The following CAP2 variants were observed in gnomAD, a reference collection of about 807,000 sequenced individuals.
CAP2 encodes adenylyl cyclase-associated protein 2.
In CAP2, 24 loss-of-function variants were observed where a neutral mutation model predicts 57.7. That is an observed-to-expected ratio of 0.42 (90% CI 0.30 to 0.58). The LOEUF (loss-of-function observed/expected upper bound fraction) is 0.58. Ranked by LOEUF, CAP2 falls within the 20% of genes least tolerant of loss-of-function variation. The pLI, the probability that CAP2 is intolerant of heterozygous loss-of-function variation, is 0.22. For synonymous variants in CAP2, 194 were observed against 207.2 expected, an observed-to-expected ratio of 0.94 and a Z score of 0.55; for missense variants, 501 against 590.3, an observed-to-expected ratio of 0.85 and a Z score of 1.57.
Position 17,557,632 on chromosome 6 carries a change from T to C in CAP2, c.*1190T>C, listed in dbSNP as rs2113717988. The C allele has an allele frequency of 6.6e-6, 1 of 152,356 alleles. No homozygotes were observed. Among genetic ancestry groups the C allele is most frequent in the East Asian group, 1.9e-4 (1 of 5,194 alleles). 9.4% of individuals were successfully genotyped at this position (152,356 alleles called of 1,614,324 possible). A position where few individuals can be genotyped will look rare whatever the true frequency, so the allele number is the denominator to read the frequency against. ...TTGTTTCCATTTTTTAAATATCTTC[T>C]ATATCCATATAGTATTCAAATTATT... On this transcript the variant is annotated 3_prime_UTR_variant, in exon 13 of 13. Coordinates refer to ENST00000229922, the MANE Select transcript of CAP2 (RefSeq NM_006366.3).
chr6:17,455,753 T>C (rs555607246), intron 3 of CAP2, among the ~76,000 whole-genome samples: 8 of 152,228 alleles, frequency 5.3e-5, no homozygotes, highest in Non-Finnish European at 1.2e-4. Flanking sequence ...GCCAGAATGG[T>C]CTTGATCTCC....
chr6:17,405,092 A>C (rs896989199), intron 1 of CAP2, among the ~76,000 whole-genome samples: 1 of 152,106 alleles, frequency 6.6e-6, no homozygotes, highest in Non-Finnish European at 1.5e-5. Flanking sequence ...GATAAAGTTT[A>C]ATATATAAGG....
chr6:17,457,266 G>A (rs1278977213), intron 3 of CAP2, among the ~76,000 whole-genome samples: 9 of 152,184 alleles, frequency 5.9e-5, no homozygotes, highest in African/African-American at 2.2e-4. Flanking sequence ...CACATGTGAT[G>A]GACAAACTCA....
intron 3 of CAP2, among the ~76,000 whole-genome samples, chr6:17,459,317 A>G (rs1458251756): frequency 1.3e-5 from 2 of 152,250 alleles, no homozygotes; most frequent in African/African-American, 4.8e-5. Flanking sequence ...TCCCTGTTCT[A>G]GCAGGCCTTA....
chr6:17,403,086 A>T (rs2113503494), intron 1 of CAP2, among the ~76,000 whole-genome samples: 1 of 152,174 alleles, frequency 6.6e-6, no homozygotes, highest in East Asian at 1.9e-4. Flanking sequence ...GACCCATTTT[A>T]TTTATTTTTA....
chr6:17,523,752 C>A (rs1355986202), intron 7 of CAP2, among the ~76,000 whole-genome samples: 4 of 152,110 alleles, frequency 2.6e-5, no homozygotes, highest in African/African-American at 9.7e-5. Context: ...AGTAACCTTC[C>A]AAGAGCAGTT....
intron 11 of CAP2, among the ~76,000 whole-genome samples, chr6:17,545,645 C>G (rs1173120958): frequency 6.6e-6 from 1 of 152,040 alleles, no homozygotes; most frequent in Non-Finnish European, 1.5e-5. Flanking sequence ...TGTGCTGCAC[C>G]CATTAACTAG....
At chr6:17,395,038 ACAAT>A (rs1758633967) in intron 1 of CAP2, among the ~76,000 whole-genome samples, 1 of 152,246 alleles carries the variant, frequency 6.6e-6, no homozygotes, top group Non-Finnish European at 1.5e-5. Flanking sequence ...TAATAACATT[ACAAT>A]CAAAGTGTCA....
Position 17,409,714 on chromosome 6 carries a change from C to G in CAP2, c.-1-11841C>G, listed in dbSNP as rs1160734068. Among the ~76,000 whole-genome samples, 3 of 152,236 alleles carry G rather than the reference C, an allele frequency of 2.0e-5. No individual in the cohort carries two copies. In the East Asian group the frequency reaches 5.8e-4, roughly 29 times the overall value. ...TGTAGGCACTTCAAATGCAGATCCT[C>G]TAACTCTGAACTCCTCTGACCTGGG... On this transcript the variant is annotated intron_variant, in intron 1 of 12. Transcript: ENST00000229922.
At position 17,397,588 on chromosome 6, in the gene CAP2, G is replaced by C. The variant is rs187664093; in HGVS notation, c.-2+3842G>C. Reference sequence around the variant, plus strand: ...CGGGCACCTATAGTGCCAGCTACTCGGGAGGCCGAGGCAGGAGAATGGCGT... The same window carrying C: ...CGGGCACCTATAGTGCCAGCTACTCCGGAGGCCGAGGCAGGAGAATGGCGT... On this transcript the variant is annotated intron_variant, in intron 1 of 12. Transcript: ENST00000229922. Among the ~76,000 whole-genome samples, 396 of 151,712 alleles carry C rather than the reference G, an allele frequency of 2.6e-3. 3 individuals are homozygous for C. The East Asian group carries it at 0.035, about 13-fold the overall frequency.
intron 1 of CAP2, among the ~76,000 whole-genome samples, chr6:17,411,408 G>A (rs1330921776): frequency 6.6e-6 from 1 of 152,162 alleles, no homozygotes; most frequent in Non-Finnish European, 1.5e-5. Flanking sequence ...ATATTCACCA[G>A]CAATGTCTGA....
intron 7 of CAP2, among the ~76,000 whole-genome samples, chr6:17,521,742 G>A (rs1025155602): frequency 3.3e-5 from 5 of 152,156 alleles, no homozygotes; most frequent in Non-Finnish European, 7.3e-5. Flanking sequence ...CCAGGACCAC[G>A]TGGAAGATAC....
At chr6:17,475,121 G>A (rs1379043686) in intron 4 of CAP2, among the ~76,000 whole-genome samples, 1 of 151,956 alleles carries the variant, frequency 6.6e-6, no homozygotes, top group Non-Finnish European at 1.5e-5. Context: ...CTTGAACCTG[G>A]GAGGCGGAGG....
chr6:17,418,951 A>G (rs953325807), intron 1 of CAP2, among the ~76,000 whole-genome samples: 3 of 152,138 alleles, frequency 2.0e-5, no homozygotes, highest in African/African-American at 7.2e-5. Context: ...GAAATTTCTA[A>G]TTTTGAATCC....
chr6:17,556,730 G>T lies in CAP2; in HGVS notation c.*288G>T. ...AAGAATTCTGTTCCCCTCATATCAT[G>T]AACACAGTAACTGATAGGTAAAAAG... is the stretch of plus-strand genomic sequence containing the variant. On this transcript the variant is annotated 3_prime_UTR_variant, in exon 13 of 13. Transcript: ENST00000229922. The T allele has an allele frequency of 2.8e-6, 1 of 361,688 alleles. No individual in the cohort carries two copies. Among genetic ancestry groups the T allele is most frequent in the Non-Finnish European group, 5.0e-6 (1 of 198,964 alleles). The allele number at this position is 361,688 out of a possible 1,614,324, so 22.4% of individuals were successfully genotyped here. A position where few individuals can be genotyped will look rare whatever the true frequency, so the allele number is the denominator to read the frequency against.
intron 3 of CAP2, among the ~76,000 whole-genome samples, chr6:17,446,061 C>T (rs574255145): frequency 6.6e-6 from 1 of 152,132 alleles, no homozygotes; most frequent in South Asian, 2.1e-4. Flanking sequence ...TTTCATTTTT[C>T]TAGTACTGCA....
At chr6:17,514,582 T>C (rs4590275) in intron 7 of CAP2, among the ~76,000 whole-genome samples, 39,531 of 151,778 alleles carry the variant, frequency 0.26, 6,238 homozygotes, top group African/African-American at 0.43. Flanking sequence ...AAACCCCATC[T>C]CTACTAAAAA....
At chr6:17,512,058 A>G (rs1442068706) in intron 6 of CAP2, among the ~76,000 whole-genome samples, 2 of 152,112 alleles carry the variant, frequency 1.3e-5, no homozygotes, top group African/African-American at 4.8e-5. Context: ...ATTTGCCCAT[A>G]TAGACTTGAA....
chr6:17,490,336 A>G (rs1761514797), intron 4 of CAP2, among the ~76,000 whole-genome samples: 1 of 152,334 alleles, frequency 6.6e-6, no homozygotes. Flanking sequence ...GCAGGATTCT[A>G]TGTGCAGTTG....
Sources: gnomAD v4.1 joint callset for allele counts (sites outside exome capture counted in the v4.1 genomes callset) on GRCh38, gnomAD v4.1.1 for gene constraint, MANE v1.5 for transcripts, NCBI Gene and HGNC (gene_info 2026-07-23, HGNC 2026-07-21) for gene names.